KCND2: variants seen among roughly 807,000 people sequenced by gnomAD.
The protein encoded by KCND2 is A-type voltage-gated potassium channel KCND2.
In KCND2, 16 loss-of-function variants were observed where a neutral mutation model predicts 54.4. The observed-to-expected ratio is 0.29, with a 90% CI of 0.20 to 0.45. The LOEUF (loss-of-function observed/expected upper bound fraction) is 0.45, where lower values mean the gene tolerates loss of function less well. Ranked by LOEUF, KCND2 falls within the 20% of genes least tolerant of loss-of-function variation. KCND2 has a pLI of 1.00. For missense variants in KCND2, 486 were observed against 824.2 expected (o/e 0.59, Z 5.02); for synonymous variants, 317 against 310.7 (o/e 1.02, Z -0.21).
intron 1 of KCND2, among the ~76,000 whole-genome samples, chr7:120,389,702 T>C (rs976221867): frequency 2.6e-5 from 4 of 151,998 alleles, no homozygotes; most frequent in South Asian, 2.1e-4. Context: ...AGTATTGTTA[T>C]ATTTAAATTC....
chr7:120,579,922 T>C (rs1411815086), intron 1 of KCND2, among the ~76,000 whole-genome samples: 1 of 152,186 alleles, frequency 6.6e-6, no homozygotes, highest in Non-Finnish European at 1.5e-5. Flanking sequence ...AGAGCATATG[T>C]TGGAGAGCTG....
intron 1 of KCND2, among the ~76,000 whole-genome samples, chr7:120,370,430 G>C (rs1800749214): frequency 6.6e-6 from 1 of 151,992 alleles, no homozygotes; most frequent in African/African-American, 2.4e-5. Context: ...TTTGAATGTA[G>C]AGTCAACAGA....
At chr7:120,364,779 A>T (rs1371955010) in intron 1 of KCND2, among the ~76,000 whole-genome samples, 2 of 152,064 alleles carry the variant, frequency 1.3e-5, no homozygotes, top group African/African-American at 2.4e-5. Context: ...TGAGGAACCT[A>T]ATCAGACATC....
intron 1 of KCND2, among the ~76,000 whole-genome samples, chr7:120,428,800 A>C (rs1204284632): frequency 2.0e-5 from 3 of 152,266 alleles, no homozygotes; most frequent in Non-Finnish European, 4.4e-5. Flanking sequence ...ATTTTCAATC[A>C]AAAGAAAATT....
intron 1 of KCND2, among the ~76,000 whole-genome samples, chr7:120,579,755 C>T (rs887238344): frequency 7.3e-5 from 11 of 151,708 alleles, no homozygotes; most frequent in African/African-American, 2.7e-4. Context: ...ACCTTGGAAT[C>T]AAGATCCATT....
rs78429903 is a variant in KCND2 at position 120,743,458 on chromosome 7, C to T, written c.1467+856C>T. On this transcript the variant is annotated intron_variant, in intron 4 of 5. Transcript: ENST00000331113. The stretch of plus-strand genomic sequence containing the variant: ...GCCATGAAATGAGGTGTGGCCTCTG[C>T]TACCATTTAGCCTCTGTTTATAAAA... Among the ~76,000 whole-genome samples the T allele has an allele frequency of 3.1e-3, 479 of 152,282 alleles. 1 individual carries two copies. Among genetic ancestry groups the T allele is most frequent in the Middle Eastern group, 6.8e-3 (2 of 294 alleles).
intron 1 of KCND2, among the ~76,000 whole-genome samples, chr7:120,652,276 A>C (rs1228427218): frequency 1.3e-5 from 2 of 152,088 alleles, no homozygotes; most frequent in African/African-American, 4.8e-5. Flanking sequence ...GAGTTTCACC[A>C]TGTTGGCCAG....
chr7:120,411,958 C>T (rs1436625981), intron 1 of KCND2, among the ~76,000 whole-genome samples: 4 of 151,880 alleles, frequency 2.6e-5, no homozygotes, highest in Non-Finnish European at 4.4e-5. Flanking sequence ...ATGTATTTAT[C>T]CCTGGCTAAG....
intron 1 of KCND2, among the ~76,000 whole-genome samples, chr7:120,478,135 A>C: frequency 6.6e-6 from 1 of 152,214 alleles, no homozygotes; most frequent in East Asian, 1.9e-4. Context: ...ATACACAAGA[A>C]ATACACTTTA....
intron 1 of KCND2, among the ~76,000 whole-genome samples, chr7:120,683,086 T>C (rs936128327): frequency 1.3e-5 from 2 of 152,174 alleles, no homozygotes; most frequent in African/African-American, 4.8e-5. Flanking sequence ...GGGATTGGCA[T>C]GACTGGCTTA....
chr7:120,367,548 T>A (rs1458389946), intron 1 of KCND2, among the ~76,000 whole-genome samples: 1 of 151,402 alleles, frequency 6.6e-6, no homozygotes, highest in Non-Finnish European at 1.5e-5. Context: ...ATGGGAAATT[T>A]CAGAAAATCC....
chr7:120,642,035 A>T (rs991519259), intron 1 of KCND2, among the ~76,000 whole-genome samples: 2 of 152,022 alleles, frequency 1.3e-5, no homozygotes, highest in Admixed American at 1.3e-4. Context: ...ACTGAATAAA[A>T]ATCTAATTAA....
chr7:120,606,406 T>C (rs1792882837), intron 1 of KCND2, among the ~76,000 whole-genome samples: 1 of 152,194 alleles, frequency 6.6e-6, no homozygotes, highest in Non-Finnish European at 1.5e-5. Flanking sequence ...TCTTTCTTTT[T>C]CTTCTGTTGC....
At chr7:120,290,840 A>G (rs1222253930) in intron 1 of KCND2, among the ~76,000 whole-genome samples, 4 of 151,998 alleles carry the variant, frequency 2.6e-5, no homozygotes, top group Non-Finnish European at 5.9e-5. Context: ...GTCACCAGTA[A>G]TGGGTGCCAT....
chr7:120,514,948 C>T (rs559153782), intron 1 of KCND2, among the ~76,000 whole-genome samples: 73 of 151,998 alleles, frequency 4.8e-4, no homozygotes, highest in Non-Finnish European at 9.6e-4. Context: ...TGTGTAGTAC[C>T]GTAAATGAGT....
intron 1 of KCND2, among the ~76,000 whole-genome samples, chr7:120,465,718 A>C (rs1479488935): frequency 6.6e-6 from 1 of 152,176 alleles, no homozygotes; most frequent in Non-Finnish European, 1.5e-5. Context: ...GAGCTGGCTA[A>C]ATATATTTAA....
At chr7:120,483,537 A>G (rs749613240) in intron 1 of KCND2, among the ~76,000 whole-genome samples, 29 of 152,202 alleles carry the variant, frequency 1.9e-4, no homozygotes, top group Non-Finnish European at 3.4e-4. Flanking sequence ...GATTCCTGAA[A>G]ATATCTGCAT....
intron 1 of KCND2, among the ~76,000 whole-genome samples, chr7:120,453,053 G>T (rs1374944963): frequency 6.6e-6 from 1 of 152,172 alleles, no homozygotes; most frequent in Non-Finnish European, 1.5e-5. Flanking sequence ...GAGAGCTCCA[G>T]TAGACCAGCC....
At chr7:120,677,430 T>C (rs1243564531) in intron 1 of KCND2, among the ~76,000 whole-genome samples, 1 of 151,886 alleles carries the variant, frequency 6.6e-6, no homozygotes, top group Non-Finnish European at 1.5e-5. Context: ...AGGTTCCATA[T>C]CCAGCTAGTC....
Sources: gnomAD v4.1 joint callset for allele counts (sites outside exome capture counted in the v4.1 genomes callset) on GRCh38, gnomAD v4.1.1 for gene constraint, MANE v1.5 for transcripts, NCBI Gene and HGNC (gene_info 2026-07-23, HGNC 2026-07-21) for gene names.